Variants in AGBL3 observed in about 807,000 individuals in gnomAD.
The protein encoded by AGBL3 is AGBL carboxypeptidase 3.
A neutral mutation model predicts 94.5 loss-of-function variants in AGBL3; 68 were observed. The observed-to-expected ratio is 0.72, with a 90% CI of 0.59 to 0.88. The LOEUF (loss-of-function observed/expected upper bound fraction) is 0.88, where lower values mean the gene tolerates loss of function less well. Among genes scored for constraint, AGBL3 ranks in the 40% least tolerant of loss-of-function variants. The pLI is 0.00. For missense variants in AGBL3, 934 were observed against 1,103.8 expected (o/e 0.85, Z 2.18); for synonymous variants, 354 against 370.7 (o/e 0.95, Z 0.52).
intron 8 of AGBL3, among the ~76,000 whole-genome samples, chr7:135,040,885 C>CCACA (rs1554502035): frequency 0.084 from 10,120 of 120,956 alleles, 398 homozygotes; most frequent in East Asian, 0.19. Context: ...CACACACACA[C>CCACA]CACACACACA....
chr7:135,122,643 C>T (rs1484194427), intron 16 of AGBL3, among the ~76,000 whole-genome samples: 1 of 152,186 alleles, frequency 6.6e-6, no homozygotes, highest in Non-Finnish European at 1.5e-5. Context: ...TGGCATCAGG[C>T]TGGTACCCCT....
intron 4 of AGBL3, among the ~76,000 whole-genome samples, chr7:134,998,582 G>A (rs1213739886): frequency 2.6e-5 from 4 of 152,128 alleles, no homozygotes; most frequent in South Asian, 2.1e-4. Flanking sequence ...AGTCTAGCTC[G>A]TGCTTCCTTT....
chr7:135,118,926 T>C (rs1826716968), intron 16 of AGBL3, among the ~76,000 whole-genome samples: 1 of 151,226 alleles, frequency 6.6e-6, no homozygotes, highest in Non-Finnish European at 1.5e-5. Context: ...GAGGAAAGAG[T>C]CAGTGAATTG....
At chr7:135,052,340 C>T (rs1246587524) in intron 11 of AGBL3, among the ~76,000 whole-genome samples, 1 of 152,148 alleles carries the variant, frequency 6.6e-6, no homozygotes, top group Non-Finnish European at 1.5e-5. Flanking sequence ...CTGTGTAGTA[C>T]TCCACAGGGT....
chr7:135,095,203 G>T (rs1183977606), intron 15 of AGBL3, among the ~76,000 whole-genome samples: 1 of 152,114 alleles, frequency 6.6e-6, no homozygotes, highest in Admixed American at 6.6e-5. Flanking sequence ...GAAAAGCTAA[G>T]AAACACTTAT....
At chr7:135,067,407 G>C (rs190770362) in intron 12 of AGBL3, among the ~76,000 whole-genome samples, 50 of 152,308 alleles carry the variant, frequency 3.3e-4, no homozygotes, top group Admixed American at 7.8e-4. Flanking sequence ...CTCACAGCAC[G>C]CAACTGGAGA....
At chr7:135,006,108 CTT>C (rs34708932) in intron 4 of AGBL3, among the ~76,000 whole-genome samples, 4,129 of 151,880 alleles carry the variant, frequency 0.027, 86 homozygotes, top group Middle Eastern at 0.068. Flanking sequence ...ATTAAAAGCT[CTT>C]GTTTTGCAAA....
At chr7:135,124,431 C>A (rs189069462) in intron 16 of AGBL3, among the ~76,000 whole-genome samples, 8 of 152,236 alleles carry the variant, frequency 5.3e-5, no homozygotes, top group African/African-American at 1.9e-4. Flanking sequence ...AGACAGACTC[C>A]CACACAATAA....
chr7:135,009,490 AT>A (rs66520923), intron 4 of AGBL3, among the ~76,000 whole-genome samples: 141,481 of 152,012 alleles, frequency 0.93, 66,625 homozygotes, highest in Non-Finnish European at 1. Flanking sequence ...TAGTGTTGGG[AT>A]TTTTTTTGAT....
chr7:134,995,018 G>A (rs1365673565), intron 4 of AGBL3, among the ~76,000 whole-genome samples: 1 of 151,994 alleles, frequency 6.6e-6, no homozygotes, highest in African/African-American at 2.4e-5. Flanking sequence ...ACCAGGTCAG[G>A]AAATAAAAAA....
At chr7:135,129,067 A>C (rs1023189355) in intron 16 of AGBL3, 2 of 1,608,426 alleles carry the variant, frequency 1.2e-6, no homozygotes, top group African/African-American at 2.7e-5. Context: ...AACTGCCCAG[A>C]ACCAAAGTGC....
chr7:135,008,257 G>GACA (rs748036229), intron 4 of AGBL3, among the ~76,000 whole-genome samples: 2 of 152,060 alleles, frequency 1.3e-5, no homozygotes, highest in African/African-American at 2.4e-5. Flanking sequence ...TAGTAATTTA[G>GACA]ACAGTGTGGT....
At chr7:135,071,602 G>A (rs1819913488) in intron 12 of AGBL3, among the ~76,000 whole-genome samples, 1 of 151,942 alleles carries the variant, frequency 6.6e-6, no homozygotes, top group African/African-American at 2.4e-5. Context: ...CTCAGAAATA[G>A]TGCAGCATAA....
At chr7:135,047,028 C>T (rs1166058613) in intron 11 of AGBL3, among the ~76,000 whole-genome samples, 1 of 151,982 alleles carries the variant, frequency 6.6e-6, no homozygotes, top group Admixed American at 6.6e-5. Context: ...GAGCAGATCT[C>T]TAGAGTTTAT....
intron 15 of AGBL3, among the ~76,000 whole-genome samples, chr7:135,088,771 C>T (rs1229657096): frequency 6.6e-6 from 1 of 152,098 alleles, no homozygotes; most frequent in Admixed American, 6.5e-5. Flanking sequence ...TTGTGTGTGA[C>T]TTGATGCTTT....
Position 135,044,023 on chromosome 7 carries a change from AG to A in AGBL3, c.1501-1del. ...GTCTCATTTTTATTTGCTGCTTTTC[AG>A]TTTTCATTCTCAGCTTGCAAGTTTA... is the stretch of plus-strand genomic sequence containing the variant. On this transcript the variant is annotated splice_acceptor_variant, in intron 8 of 16. Coordinates refer to ENST00000436302, the MANE Select transcript of AGBL3 (RefSeq NM_178563.4). LOFTEE classifies it high-confidence loss of function. 6.5e-7 allele frequency: 1 copy of A among 1,547,866 alleles called. No homozygotes were observed. Among genetic ancestry groups the A allele is most frequent in the Non-Finnish European group, 8.7e-7 (1 of 1,144,468 alleles).
intron 12 of AGBL3, among the ~76,000 whole-genome samples, chr7:135,067,530 C>CT (rs1819456797): frequency 6.6e-6 from 1 of 152,198 alleles, no homozygotes; most frequent in South Asian, 2.1e-4. Context: ...CGGTACTCCT[C>CT]TGAGACAAAA....
At chr7:135,012,826 C>G (rs1056608158) in intron 4 of AGBL3, among the ~76,000 whole-genome samples, 23 of 151,984 alleles carry the variant, frequency 1.5e-4, no homozygotes, top group African/African-American at 5.3e-4. Context: ...CTATATATAA[C>G]CTAACATTAT....
intron 5 of AGBL3, among the ~76,000 whole-genome samples, chr7:135,019,001 G>A (rs4728347): frequency 0.93 from 141,216 of 152,254 alleles, 66,336 homozygotes; most frequent in Non-Finnish European, 1. Flanking sequence ...TGGTCAGTCC[G>A]CAGCTCCAGC....
Sources: gnomAD v4.1 joint callset for allele counts (sites outside exome capture counted in the v4.1 genomes callset) on GRCh38, gnomAD v4.1.1 for gene constraint, MANE v1.5 for transcripts, NCBI Gene and HGNC (gene_info 2026-07-23, HGNC 2026-07-21) for gene names.